Variants in UGGT2 observed in about 807,000 individuals in gnomAD.
UGGT2 encodes UDP-glucose glycoprotein glucosyltransferase 2.
Under a neutral mutation model 192.1 loss-of-function variants are expected in UGGT2, and 180 were observed. The observed-to-expected ratio is 0.94, with a 90% CI of 0.83 to 1.06. The LOEUF is 1.06. Ranked by LOEUF, UGGT2 falls within the 50% of genes least tolerant of loss-of-function variation. The pLI is 0.00. For missense variants in UGGT2, 1,849 were observed against 1,795.7 expected (o/e 1.03, Z -0.54); for synonymous variants, 580 against 591.0 (o/e 0.98, Z 0.27).
At chr13:95,803,133 C>A (rs566459267) in intron 38 of UGGT2, among the ~76,000 whole-genome samples, 3 of 151,914 alleles carry the variant, frequency 2.0e-5, no homozygotes, top group Admixed American at 6.6e-5. Flanking sequence ...TGTGCCCAGC[C>A]GATAGCCTGG....
At chr13:95,983,126 T>C (rs542269430) in intron 10 of UGGT2, among the ~76,000 whole-genome samples, 12 of 152,220 alleles carry the variant, frequency 7.9e-5, no homozygotes, top group Admixed American at 5.9e-4. Flanking sequence ...TCCTCACCAA[T>C]GAGATAGAAA....
chr13:95,995,149 T>A (rs1190065963), intron 7 of UGGT2, among the ~76,000 whole-genome samples: 1 of 151,694 alleles, frequency 6.6e-6, no homozygotes, highest in Non-Finnish European at 1.5e-5. Flanking sequence ...GGTTTCAGAA[T>A]TTTTTATAAA....
At chr13:95,999,625 A>G (rs1250127363) in intron 5 of UGGT2, among the ~76,000 whole-genome samples, 2 of 152,192 alleles carry the variant, frequency 1.3e-5, no homozygotes, top group Non-Finnish European at 2.9e-5. Context: ...AGAGGATCCA[A>G]TAACAGACAA....
intron 17 of UGGT2, among the ~76,000 whole-genome samples, chr13:95,930,282 C>T (rs540262904): frequency 2.2e-4 from 34 of 152,204 alleles, no homozygotes; most frequent in African/African-American, 7.2e-4. Flanking sequence ...AGGTCCCACT[C>T]GTCAAATTTT....
At chr13:95,909,450 T>C (rs895401048) in intron 20 of UGGT2, among the ~76,000 whole-genome samples, 191 of 151,070 alleles carry the variant, frequency 1.3e-3, no homozygotes, top group Non-Finnish European at 2.4e-3. Flanking sequence ...ATGTCCTTTG[T>C]AGGGACATGG....
At chr13:95,853,702 GT>G in intron 35 of UGGT2, 45 bp from the exon 36 acceptor site, 1 of 1,371,834 alleles carries the variant, frequency 7.3e-7, no homozygotes. Context: ...TGTTTATGTA[GT>G]TTTAGTTTTA....
intron 38 of UGGT2, among the ~76,000 whole-genome samples, chr13:95,826,946 T>A (rs555349783): frequency 2.0e-5 from 3 of 152,086 alleles, no homozygotes; most frequent in Non-Finnish European, 2.9e-5. Flanking sequence ...TAAAACATAA[T>A]ATAAGTCCTT....
At chr13:95,992,199 T>C (rs1170551799) in intron 7 of UGGT2, among the ~76,000 whole-genome samples, 2 of 152,152 alleles carry the variant, frequency 1.3e-5, no homozygotes, top group East Asian at 1.9e-4. Context: ...AATAGCCATA[T>C]GAATTTTAGA....
At chr13:95,983,409 A>G in intron 10 of UGGT2, 1 of 284,036 alleles carries the variant, frequency 3.5e-6, no homozygotes, top group Non-Finnish European at 6.9e-6. Flanking sequence ...GCAGAATCTT[A>G]TCAAACCACT....
intron 9 of UGGT2, chr13:95,985,190 G>T: frequency 1.2e-6 from 1 of 861,636 alleles, no homozygotes; most frequent in Non-Finnish European, 1.6e-6. Flanking sequence ...TTTTATAACG[G>T]CCATTAATTA....
intron 36 of UGGT2, among the ~76,000 whole-genome samples, chr13:95,844,612 G>C (rs1411400708): frequency 6.6e-6 from 1 of 152,152 alleles, no homozygotes; most frequent in Non-Finnish European, 1.5e-5. Flanking sequence ...TACAGAATTG[G>C]ATTTTCATAG....
chr13:96,053,052 A>G, intron 1 of UGGT2, 103 bp downstream of exon 1: 2 of 1,365,724 alleles, frequency 1.5e-6, no homozygotes, highest in Non-Finnish European at 1.9e-6. Flanking sequence ...GCGTCTGGAG[A>G]ACCCGGGTGG....
intron 21 of UGGT2, 141 bp from the exon 22 acceptor site, chr13:95,901,079 A>G: frequency 1.5e-6 from 1 of 650,348 alleles, no homozygotes; most frequent in South Asian, 5.7e-5. Flanking sequence ...CTTTGAAAGA[A>G]CATTTTTAAA....
intron 38 of UGGT2, among the ~76,000 whole-genome samples, chr13:95,815,694 T>C (rs1332606756): frequency 6.6e-6 from 1 of 152,122 alleles, no homozygotes; most frequent in East Asian, 1.9e-4. Context: ...CCAAAGAAAT[T>C]CAAAATCCAA....
intron 20 of UGGT2, among the ~76,000 whole-genome samples, chr13:95,916,553 T>A (rs1422007596): frequency 6.6e-6 from 1 of 152,130 alleles, no homozygotes; most frequent in Non-Finnish European, 1.5e-5. Context: ...GAGGCCAAGA[T>A]GGCTGAAGTG....
intron 32 of UGGT2, among the ~76,000 whole-genome samples, chr13:95,860,332 A>G (rs1890038894): frequency 6.7e-6 from 1 of 148,734 alleles, no homozygotes; most frequent in East Asian, 1.9e-4. Flanking sequence ...TTGTATATAT[A>G]AAGTACTGTA....
chr13:96,002,736 A>G (rs1221722100), intron 5 of UGGT2, among the ~76,000 whole-genome samples: 1 of 152,264 alleles, frequency 6.6e-6, no homozygotes, highest in Non-Finnish European at 1.5e-5. Context: ...GAGAATGTGA[A>G]GAACACTGAG....
Position 95,877,298 on chromosome 13 carries a change from C to G in UGGT2, c.3454G>C (p.Asp1152His), listed in dbSNP as rs1354074998. ...ACTCACCCAACTATTTGATAAATAT[C>G]TTCAGATTTTCCTTGGTGTAACCTC... ...ILRLHQGKSE[D>H]IYQIVGHEGT... Residue 1152 changes from aspartate to histidine, a missense_variant, in exon 29 of 39, where the codon GAT becomes CAT. Physicochemically the swap from Asp to His is moderately conservative, Grantham distance 81 (BLOSUM62 -1). Transcript: ENST00000376747. 4 of 1,600,888 alleles carry G rather than the reference C, an allele frequency of 2.5e-6. No homozygotes were observed. The highest frequency in any genetic ancestry group is 3.5e-5 in the Admixed American group (2 of 57,686).
intron 17 of UGGT2, among the ~76,000 whole-genome samples, chr13:95,931,098 GT>G (rs2049246809): frequency 6.6e-6 from 1 of 151,888 alleles, no homozygotes; most frequent in Non-Finnish European, 1.5e-5. Context: ...TGATTGGTCT[GT>G]TTTACAGAGA....
Sources: gnomAD v4.1 joint callset for allele counts (sites outside exome capture counted in the v4.1 genomes callset) on GRCh38, gnomAD v4.1.1 for gene constraint, MANE v1.5 for transcripts, NCBI Gene and HGNC (gene_info 2026-07-23, HGNC 2026-07-21) for gene names.